Variants in SGCZ observed in about 807,000 individuals in gnomAD.
The protein encoded by SGCZ is zeta-sarcoglycan.
A neutral mutation model predicts 41.3 loss-of-function variants in SGCZ; 40 were observed. That is an observed-to-expected ratio of 0.97 (90% confidence interval 0.75 to 1.26). The LOEUF (loss-of-function observed/expected upper bound fraction) is 1.26, where lower values mean the gene tolerates loss of function less well. Ranked by LOEUF, SGCZ falls within the 50% of genes most tolerant of loss-of-function variation. SGCZ has a pLI of 0.00. For synonymous variants in SGCZ, 206 were observed against 137.5 expected, an observed-to-expected ratio of 1.50 and a Z score of -3.49; for missense variants, 552 against 369.8, an observed-to-expected ratio of 1.49 and a Z score of -4.04.
intron 1 of SGCZ, among the ~76,000 whole-genome samples, chr8:14,558,378 C>A (rs1178412961): frequency 6.6e-6 from 1 of 152,130 alleles, no homozygotes; most frequent in East Asian, 1.9e-4. Flanking sequence ...AGTTTAAGAC[C>A]AGCCTGGCCA....
At chr8:15,196,535 T>C (rs950798241) in intron 1 of SGCZ, among the ~76,000 whole-genome samples, 3 of 148,976 alleles carry the variant, frequency 2.0e-5, no homozygotes, top group Non-Finnish European at 4.5e-5. Flanking sequence ...TTGTATTATA[T>C]TGTGGGTGTT....
intron 1 of SGCZ, among the ~76,000 whole-genome samples, chr8:15,161,127 C>T (rs752912508): frequency 4.6e-5 from 7 of 152,076 alleles, no homozygotes; most frequent in Non-Finnish European, 7.4e-5. Context: ...CCTCTCTCAC[C>T]TCCTACCATT....
intron 2 of SGCZ, among the ~76,000 whole-genome samples, chr8:14,378,938 C>A (rs1021450531): frequency 7.9e-5 from 12 of 152,102 alleles, no homozygotes; most frequent in African/African-American, 2.9e-4. Flanking sequence ...CTCAACATTG[C>A]TTCTTTAGAA....
chr8:14,470,615 G>A (rs1801187908), intron 2 of SGCZ, among the ~76,000 whole-genome samples: 1 of 151,984 alleles, frequency 6.6e-6, no homozygotes, highest in Admixed American at 6.6e-5. Context: ...TTTATTTTCT[G>A]TCCAAGTTTA....
At chr8:14,961,761 A>G (rs1459282005) in intron 1 of SGCZ, among the ~76,000 whole-genome samples, 1 of 152,164 alleles carries the variant, frequency 6.6e-6, no homozygotes, top group Non-Finnish European at 1.5e-5. Flanking sequence ...AATAAAAGCA[A>G]TGATGTAGGG....
chr8:15,226,505 T>C (rs1801777815), intron 1 of SGCZ, among the ~76,000 whole-genome samples: 2 of 152,194 alleles, frequency 1.3e-5, no homozygotes. Context: ...GAAGTTTAAC[T>C]TCCAGGAGCC....
At chr8:15,089,690 A>G (rs973209385) in intron 1 of SGCZ, among the ~76,000 whole-genome samples, 2 of 152,186 alleles carry the variant, frequency 1.3e-5, no homozygotes, top group African/African-American at 4.8e-5. Context: ...TCATAATCCT[A>G]AAACTCATCT....
chr8:14,176,477 C>T (rs1037910929), intron 4 of SGCZ, among the ~76,000 whole-genome samples: 3 of 152,140 alleles, frequency 2.0e-5, no homozygotes, highest in Non-Finnish European at 2.9e-5. Context: ...ATTGTCAAAA[C>T]TTGGGAAATA....
intron 1 of SGCZ, among the ~76,000 whole-genome samples, chr8:14,782,550 T>C (rs1800623405): frequency 6.6e-6 from 1 of 152,152 alleles, no homozygotes; most frequent in Non-Finnish European, 1.5e-5. Context: ...TACAAACGAA[T>C]TAACCATCTG....
intron 1 of SGCZ, among the ~76,000 whole-genome samples, chr8:14,697,725 C>A (rs938118071): frequency 6.6e-6 from 1 of 151,986 alleles, no homozygotes. Context: ...CACTGAAAAT[C>A]CAAAACTCTG....
chr8:14,493,287 T>TAAATGTAA (rs1801894745), intron 2 of SGCZ, among the ~76,000 whole-genome samples: 1 of 151,266 alleles, frequency 6.6e-6, no homozygotes, highest in Non-Finnish European at 1.5e-5. Context: ...TTTTATTCCT[T>TAAATGTAA]AAATGTAAAA....
At chr8:14,836,561 T>A (rs1044778153) in intron 1 of SGCZ, among the ~76,000 whole-genome samples, 1 of 152,178 alleles carries the variant, frequency 6.6e-6, no homozygotes, top group African/African-American at 2.4e-5. Context: ...TGCAGTGGCA[T>A]GATCTTGGCT....
At chr8:14,093,557 A>G (rs891415422) in intron 7 of SGCZ, among the ~76,000 whole-genome samples, 1 of 152,044 alleles carries the variant, frequency 6.6e-6, no homozygotes, top group Admixed American at 6.6e-5. Context: ...TCAAACCGAA[A>G]TACTTTTCTC....
chr8:15,001,136 G>C (rs1182894450), intron 1 of SGCZ, among the ~76,000 whole-genome samples: 1 of 152,216 alleles, frequency 6.6e-6, no homozygotes, highest in Non-Finnish European at 1.5e-5. Flanking sequence ...AAGATTGGGA[G>C]GATGAAATTG....
At chr8:14,864,000 G>A (rs1453401025) in intron 1 of SGCZ, among the ~76,000 whole-genome samples, 1 of 152,072 alleles carries the variant, frequency 6.6e-6, no homozygotes, top group Non-Finnish European at 1.5e-5. Flanking sequence ...GAGAGCCTCT[G>A]ACAAGTTTAA....
chr8:14,876,892 G>A (rs753502150), intron 1 of SGCZ, among the ~76,000 whole-genome samples: 18 of 152,304 alleles, frequency 1.2e-4, no homozygotes, highest in African/African-American at 3.8e-4. Flanking sequence ...GCAATGGAGT[G>A]TGGACTAAGC....
intron 1 of SGCZ, among the ~76,000 whole-genome samples, chr8:15,147,485 T>C (rs1255358631): frequency 6.6e-6 from 1 of 151,950 alleles, no homozygotes; most frequent in South Asian, 2.1e-4. Flanking sequence ...TCCATGTTCG[T>C]CAGGCTGGTC....
intron 1 of SGCZ, among the ~76,000 whole-genome samples, chr8:14,737,472 T>C (rs1439724024): frequency 6.6e-6 from 1 of 152,082 alleles, no homozygotes; most frequent in African/African-American, 2.4e-5. Context: ...ACAGCTAACA[T>C]TCACTTCGTG....
rs377638729 is a variant in SGCZ, at chr8:14,583,006, T to C, written c.40-28080A>G. Among the ~76,000 whole-genome samples, 535 of 151,214 alleles carry C rather than the reference T, an allele frequency of 3.5e-3. 14 individuals are homozygous for C. The highest frequency in any genetic ancestry group is 0.032 in the Admixed American group (479 of 15,164). On this transcript the variant is annotated intron_variant, in intron 1 of 7. Transcript: ENST00000382080. ...GTCTTTATAGCAGCATGATTTATAG[T>C]CCTTTGGGTATATACCCAGTAATGG...
Sources: gnomAD v4.1 joint callset for allele counts (sites outside exome capture counted in the v4.1 genomes callset) on GRCh38, gnomAD v4.1.1 for gene constraint, MANE v1.5 for transcripts, NCBI Gene and HGNC (gene_info 2026-07-23, HGNC 2026-07-21) for gene names.